SLC12A7: variants seen among roughly 807,000 people sequenced by gnomAD.
SLC12A7 encodes the protein solute carrier family 12 member 7.
Under a neutral mutation model 120.6 loss-of-function variants are expected in SLC12A7, and 100 were observed. The ratio of observed to expected loss-of-function variants is 0.83; its 90% CI spans 0.71 to 0.98. The LOEUF is 0.98. Among genes scored for constraint, SLC12A7 ranks in the 50% least tolerant of loss-of-function variants. SLC12A7 has a pLI of 0.00. For missense variants in SLC12A7, 1,373 were observed against 1,548.1 expected, an observed-to-expected ratio of 0.89 and a Z score of 1.90; for synonymous variants, 760 against 678.0, an observed-to-expected ratio of 1.12 and a Z score of -1.88.
chr5:1,102,206 C>T (rs1579435727), intron 1 of SLC12A7, among the ~76,000 whole-genome samples: 1 of 152,320 alleles, frequency 6.6e-6, no homozygotes, highest in Admixed American at 6.5e-5. Context: ...AGAGGAGGGG[C>T]AGCCCCTCCA....
At chr5:1,138,010 C>T in the SLC12A7 span, among the ~76,000 whole-genome samples, 6 of 152,156 alleles carry the variant, frequency 3.9e-5, no homozygotes, top group Non-Finnish European at 8.8e-5. Context: ...GGATAGCCGC[C>T]GGCACCCGCC....
intron 9 of SLC12A7, 54 bp from the exon 10 acceptor site, chr5:1,079,550 A>T: frequency 7.0e-7 from 1 of 1,427,564 alleles, no homozygotes; most frequent in South Asian, 1.1e-5. Flanking sequence ...GTGCCATGTG[A>T]TGGCAGCCCC....
intron 1 of SLC12A7, among the ~76,000 whole-genome samples, chr5:1,097,481 A>T (rs1048102068): frequency 6.6e-6 from 1 of 152,180 alleles, no homozygotes; most frequent in African/African-American, 2.4e-5. Flanking sequence ...TTGGATTAAT[A>T]TCGAGAAATT....
At chr5:1,095,255 T>C (rs1741010100) in intron 1 of SLC12A7, among the ~76,000 whole-genome samples, 1 of 152,178 alleles carries the variant, frequency 6.6e-6, no homozygotes, top group Admixed American at 6.5e-5. Context: ...GAGAAGTTTC[T>C]GTGTTCATGA....
chr5:1,083,264 C>A (rs576061236), intron 8 of SLC12A7, among the ~76,000 whole-genome samples: 1 of 150,884 alleles, frequency 6.6e-6, no homozygotes, highest in Admixed American at 6.6e-5. Flanking sequence ...TTCTGGAAAG[C>A]CTGGGCTTCC....
the SLC12A7 span, among the ~76,000 whole-genome samples, chr5:1,131,248 C>T: frequency 6.6e-6 from 1 of 152,168 alleles, no homozygotes; most frequent in African/African-American, 2.4e-5. Flanking sequence ...TGCAGGGACA[C>T]CGTCCCTCCC....
chr5:1,099,753 G>A (rs947453760), intron 1 of SLC12A7, among the ~76,000 whole-genome samples: 1 of 152,174 alleles, frequency 6.6e-6, no homozygotes, highest in Non-Finnish European at 1.5e-5. Context: ...AGGCTGACTC[G>A]GGAATCTCAG....
At chr5:1,102,683 T>C (rs946613172) in intron 1 of SLC12A7, among the ~76,000 whole-genome samples, 4 of 151,996 alleles carry the variant, frequency 2.6e-5, no homozygotes, top group African/African-American at 9.7e-5. Flanking sequence ...GACAAGCAAG[T>C]CCAGGCTTCC....
In SLC12A7 at chr5:1,106,225, G is replaced by C. The variant is rs181722223; in HGVS notation, c.124+5643C>G. ...CCCAGCACTCCGGGAGGCCGAAGTG[G>C]GCAGACCACTAGAGGCCAGGAGTTC... is the stretch of plus-strand genomic sequence containing the variant. On this transcript the variant is annotated intron_variant, in intron 1 of 23. Coordinates refer to ENST00000264930, the MANE Select transcript of SLC12A7 (RefSeq NM_006598.3). Among the ~76,000 whole-genome samples the C allele has an allele frequency of 6.4e-3, 979 of 152,300 alleles. 6 individuals carry two copies. Among genetic ancestry groups the C allele is most frequent in the Middle Eastern group, 0.02 (6 of 294 alleles).
the SLC12A7 span, among the ~76,000 whole-genome samples, chr5:1,142,693 T>C: frequency 6.8e-6 from 1 of 146,020 alleles, no homozygotes. Context: ...TCTCTCTCTG[T>C]CCCCCTCCCC....
At chr5:1,125,870 A>T in the SLC12A7 span, among the ~76,000 whole-genome samples, 1 of 145,502 alleles carries the variant, frequency 6.9e-6, no homozygotes, top group South Asian at 2.3e-4. Context: ...AGTTGCAGGG[A>T]GCTGAGATCA....
chr5:1,104,476 T>C (rs73031106), intron 1 of SLC12A7, among the ~76,000 whole-genome samples: 14,957 of 152,162 alleles, frequency 0.098, 1,131 homozygotes, highest in African/African-American at 0.21. Flanking sequence ...AAACCAGGCA[T>C]GCCAACCAAG....
the SLC12A7 span, among the ~76,000 whole-genome samples, chr5:1,154,929 T>C: frequency 4.6e-5 from 7 of 152,166 alleles, no homozygotes; most frequent in African/African-American, 1.4e-4. Flanking sequence ...GGGACATCTG[T>C]CCTCGGGGCC....
rs375578674 is a variant in SLC12A7, at chr5:1,085,342, G to A, written c.807C>T (p.Gly269=). 1.3e-4 allele frequency: 216 copies of A among 1,612,470 alleles called. No homozygotes were observed. The highest frequency in any genetic ancestry group is 1.7e-4 in the Non-Finnish European group (196 of 1,179,868). ...LVLMALVVFV[G]VKYVNKLALV... is the part of the protein sequence containing the mutation. ...GCGCCAGCTTGTTGACATACTTGACGCCCACGAAGACCACCAGGGCCATGA... is the reference window on the plus strand; with the variant it reads ...GCGCCAGCTTGTTGACATACTTGACACCCACGAAGACCACCAGGGCCATGA... Residue 269 remains glycine (G), a synonymous_variant, in exon 7 of 24, where the codon GGC becomes GGT. Transcript: ENST00000264930.
At chr5:1,092,892 A>G (rs1740678949) in intron 3 of SLC12A7, among the ~76,000 whole-genome samples, 1 of 152,104 alleles carries the variant, frequency 6.6e-6, no homozygotes, top group Non-Finnish European at 1.5e-5. Context: ...CTCGCCTGTG[A>G]GCGTCACCTC....
the SLC12A7 span, among the ~76,000 whole-genome samples, chr5:1,154,868 C>A: frequency 4.2e-3 from 645 of 152,342 alleles, 2 homozygotes; most frequent in Non-Finnish European, 7.6e-3. Flanking sequence ...CAGGCGGGAA[C>A]AGCAGATGGA....
intron 23 of SLC12A7, 40 bp from the exon 24 acceptor site, chr5:1,052,491 G>C: frequency 1.3e-6 from 2 of 1,517,414 alleles, no homozygotes; most frequent in Non-Finnish European, 1.8e-6. Context: ...GATCTTACCT[G>C]AGCGTGTGTA....
At chr5:1,134,469 T>TAA in the SLC12A7 span, among the ~76,000 whole-genome samples, 1 of 146,840 alleles carries the variant, frequency 6.8e-6, no homozygotes, top group African/African-American at 2.5e-5. Context: ...AAATTCTGTT[T>TAA]AAAAAAAAAA....
At chr5:1,113,262 C>T (rs1743174515), upstream of SLC12A7, among the ~76,000 whole-genome samples, 1 of 152,204 alleles carries the variant, frequency 6.6e-6, no homozygotes. Context: ...CCTCTTGTCA[C>T]GTGGAAAATG....
Sources: gnomAD v4.1 joint callset for allele counts (sites outside exome capture counted in the v4.1 genomes callset) on GRCh38, gnomAD v4.1.1 for gene constraint, MANE v1.5 for transcripts, NCBI Gene and HGNC (gene_info 2026-07-23, HGNC 2026-07-21) for gene names.